DECR1: variants seen among roughly 807,000 people sequenced by gnomAD.
The protein encoded by DECR1 is 2,4-dienoyl-CoA reductase [(3E)-enoyl-CoA-producing], mitochondrial.
Under a neutral mutation model 38.8 loss-of-function variants are expected in DECR1, and 44 were observed. That is an observed-to-expected ratio of 1.13 (90% CI 0.89 to 1.46). DECR1 has a LOEUF of 1.46. DECR1 is among the 40% of genes most tolerant of loss of function. DECR1 has a pLI of 0.00. For missense variants in DECR1, 428 were observed against 405.5 expected (o/e 1.06, Z -0.48); for synonymous variants, 148 against 135.2 (o/e 1.09, Z -0.66).
At chr8:90,018,463 G>A (rs1476200742) in intron 2 of DECR1, 1 of 152,826 alleles carries the variant, frequency 6.5e-6, no homozygotes, top group East Asian at 1.9e-4. Context: ...AATATTTTTT[G>A]TTTTTACATT....
At chr8:90,027,286 T>C (rs1284381997) in intron 5 of DECR1, among the ~76,000 whole-genome samples, 2 of 152,176 alleles carry the variant, frequency 1.3e-5, no homozygotes, top group African/African-American at 2.4e-5. Flanking sequence ...TTGTTAACTT[T>C]CCATCTCGTT....
Position 90,049,902 on chromosome 8 carries a change from G to T in DECR1, c.886-1775G>T, listed in dbSNP as rs549175055. ...TCTACAACCATCTGATCTTTGAGAA[G>T]CCTGACAAATACAAGAAATGGGGAA... On this transcript the variant is annotated intron_variant, in intron 8 of 9. Transcript: ENST00000220764. Among the ~76,000 whole-genome samples, 5 of 152,212 alleles carry T rather than the reference G, an allele frequency of 3.3e-5. No homozygotes were observed. In the South Asian group the frequency reaches 1.0e-3, roughly 32 times the overall value.
Position 90,017,224 on chromosome 8 carries a change from T to A in DECR1, c.170T>A (p.Phe57Tyr). 6.2e-7 allele frequency: 1 copy of A among 1,614,200 alleles called. No individual in the cohort carries two copies. ...LQKAMLPPNS[F>Y]QGKVAFITGG... is the part of the protein sequence containing the mutation. ...AAAGCGATGCTACCACCTAATAGTT[T>A]TCAAGGAAAAGTGGCATTCATTACT... The change falls in exon 2 of 10, where the codon TTT (phenylalanine) becomes TAT (tyrosine). Residue 57 changes from phenylalanine (F) to tyrosine (Y), a missense_variant. Physicochemically the swap from Phe to Tyr is conservative, Grantham distance 22. Coordinates refer to ENST00000220764, the MANE Select transcript of DECR1 (RefSeq NM_001359.2).
At chr8:90,048,288 G>A (rs1167861952) in intron 8 of DECR1, among the ~76,000 whole-genome samples, 2 of 151,968 alleles carry the variant, frequency 1.3e-5, no homozygotes, top group African/African-American at 4.8e-5. Context: ...TAGACCGCTA[G>A]CAAGACTAAT....
At chr8:90,006,588 A>G (rs1812746375) in intron 1 of DECR1, among the ~76,000 whole-genome samples, 1 of 152,186 alleles carries the variant, frequency 6.6e-6, no homozygotes, top group South Asian at 2.1e-4. Context: ...CAACGAGGGC[A>G]TGCATTGGGT....
chr8:90,044,685 T>C (rs1479518468), intron 7 of DECR1, among the ~76,000 whole-genome samples, 164 bp from the exon 8 acceptor site: 1 of 152,252 alleles, frequency 6.6e-6, no homozygotes, highest in East Asian at 1.9e-4. Context: ...TTTCCAGTGA[T>C]CTATTTTTTT....
intron 5 of DECR1, among the ~76,000 whole-genome samples, chr8:90,023,884 C>G (rs1175592325): frequency 6.6e-6 from 1 of 152,078 alleles, no homozygotes; most frequent in Non-Finnish European, 1.5e-5. Context: ...AACCCCATGA[C>G]AGGCCCCAGT....
At position 90,019,086 on chromosome 8, in the gene DECR1, G is replaced by T. The variant is rs778214175; in HGVS notation, c.331G>T (p.Val111Phe). 13 of 1,613,604 alleles carry T rather than the reference G, an allele frequency of 8.1e-6. No individual in the cohort carries two copies. The South Asian group carries it at 1.4e-4, about 18-fold the overall frequency. Residue 111 changes from valine to phenylalanine, a missense_variant and splice_region_variant, in exon 4 of 10, where the codon GTT becomes TTT. By Grantham distance (50) the Val-to-Phe change is conservative. Transcript: ENST00000220764. ...TCATATTCTTTTTGTTATTTTGCAGGTTCATGCAATTCAGTGTGATGTGAG... is the reference window on the plus strand; with the variant it reads ...TCATATTCTTTTTGTTATTTTGCAGTTTCATGCAATTCAGTGTGATGTGAG... ...EQISSQTGNK[V>F]HAIQCDVRDP...
chr8:90,006,224 C>G (rs1290300977), intron 1 of DECR1: 6 of 703,944 alleles, frequency 8.5e-6, no homozygotes, highest in African/African-American at 1.7e-5. Flanking sequence ...CTGAACTTCT[C>G]ACAGTAGGGA....
intron 1 of DECR1, among the ~76,000 whole-genome samples, chr8:90,002,467 A>G (rs1037127849): frequency 6.6e-6 from 1 of 152,164 alleles, no homozygotes; most frequent in Non-Finnish European, 1.5e-5. Context: ...GAAAACAGCT[A>G]GGAAGAAGAA....
chr8:90,042,918 T>C, intron 7 of DECR1, 118 bp downstream of exon 7: 1 of 834,870 alleles, frequency 1.2e-6, no homozygotes, highest in Non-Finnish European at 2.0e-6. Context: ...AGAGCCCTGG[T>C]TCTAGGGAAG....
At chr8:90,002,794 C>T (rs1328739876) in intron 1 of DECR1, among the ~76,000 whole-genome samples, 3 of 152,050 alleles carry the variant, frequency 2.0e-5, no homozygotes, top group South Asian at 2.1e-4. Context: ...TTTTCTCTCC[C>T]TGTGAAAACT....
chr8:90,010,495 T>G (rs1006960152), intron 1 of DECR1, among the ~76,000 whole-genome samples: 1 of 152,186 alleles, frequency 6.6e-6, no homozygotes, highest in African/African-American at 2.4e-5. Context: ...CAAAATAAAT[T>G]GGGAAGTAGT....
At chr8:90,022,230 C>A (rs1399932807) in intron 5 of DECR1, among the ~76,000 whole-genome samples, 1 of 152,148 alleles carries the variant, frequency 6.6e-6, no homozygotes, top group Non-Finnish European at 1.5e-5. Flanking sequence ...GTTCCTCCCT[C>A]TGTTCAGAAA....
At chr8:90,035,391 T>TC (rs1813595189) in intron 5 of DECR1, among the ~76,000 whole-genome samples, 1 of 152,056 alleles carries the variant, frequency 6.6e-6, no homozygotes, top group African/African-American at 2.4e-5. Context: ...GTTTTTTTTT[T>TC]CCCATTTGTC....
At position 90,042,786 on chromosome 8, in the gene DECR1, C is replaced by A. The variant is rs1260505803; in HGVS notation, c.724C>A (p.Pro242Thr). 1 of 1,613,048 alleles carries A rather than the reference C, an allele frequency of 6.2e-7. No homozygotes were observed. Among genetic ancestry groups the A allele is most frequent in the Admixed American group, 1.7e-5 (1 of 59,986 alleles). ...GCGATTCAATGTGATTCAACCAGGGCCTATAAAAACCAAAGTAAGTTGTAT... is the reference window on the plus strand; with the variant it reads ...GCGATTCAATGTGATTCAACCAGGGACTATAAAAACCAAAGTAAGTTGTAT... The part of the protein sequence containing the change: ...GMRFNVIQPG[P>T]IKTKGAFSRL... The change falls in exon 7 of 10, where the codon CCT becomes ACT. Residue 242 changes from proline (P) to threonine (T), a missense_variant. Transcript: ENST00000220764.
At chr8:90,025,749 C>G (rs1813318011) in intron 5 of DECR1, among the ~76,000 whole-genome samples, 1 of 152,146 alleles carries the variant, frequency 6.6e-6, no homozygotes, top group Non-Finnish European at 1.5e-5. Context: ...CCAGAACTTC[C>G]AACACTATGT....
At chr8:90,051,808 G>GA (rs767869784) in intron 9 of DECR1, 30 bp from the exon 10 acceptor site, 2 of 1,612,790 alleles carry the variant, frequency 1.2e-6, no homozygotes, top group Non-Finnish European at 1.7e-6. Flanking sequence ...ATGTAAAAAG[G>GA]ACATTAAATT....
intron 1 of DECR1, among the ~76,000 whole-genome samples, chr8:90,007,936 C>T (rs1009697347): frequency 3.9e-5 from 6 of 152,222 alleles, no homozygotes; most frequent in African/African-American, 1.4e-4. Flanking sequence ...AGGTCAACTG[C>T]ACTTTTATCC....
Sources: allele counts gnomAD v4.1 joint callset (sites outside exome capture counted in the v4.1 genomes callset), GRCh38; gene constraint gnomAD v4.1.1; transcripts MANE v1.5; gene names NCBI Gene and HGNC (gene_info 2026-07-23, HGNC 2026-07-21).